GTF2I: variants seen among roughly 807,000 people sequenced by gnomAD.
GTF2I encodes the protein general transcription factor II-I.
A neutral mutation model predicts 67.6 loss-of-function variants in GTF2I; 12 were observed. The observed-to-expected ratio is 0.18, with a 90% CI of 0.11 to 0.29. GTF2I has a LOEUF of 0.29. Ranked by LOEUF, GTF2I falls within the 10% of genes least tolerant of loss-of-function variation. The pLI is 1.00. For synonymous variants in GTF2I, 149 were observed against 197.0 expected (o/e 0.76, Z 2.04); for missense variants, 271 against 580.1 (o/e 0.47, Z 5.47).
chr7:74,730,684 T>C (rs1240333145), intron 14 of GTF2I, among the ~76,000 whole-genome samples: 3 of 149,900 alleles, frequency 2.0e-5, no homozygotes, highest in Non-Finnish European at 3.0e-5. Context: ...CAGTATTTGC[T>C]GAGATCCCCC....
In GTF2I at chr7:74,712,483, C is replaced by T. The variant is rs1257102901; in HGVS notation, c.763+1374C>T. On this transcript the variant is annotated intron_variant, in intron 9 of 34. Transcript: ENST00000573035. ...GTGCTTTACTACGTAAATATTCTCC[C>T]GGGAGTGTGTGTGTGTGTGTGTGTG... is the stretch of plus-strand genomic sequence containing the variant. 3.9e-5 allele frequency among the ~76,000 whole-genome samples: 5 copies of T among 129,014 alleles called. No individual in the cohort carries two copies. In the East Asian group the frequency reaches 6.9e-4, roughly 18 times the overall value. The allele number at this position is 129,014 out of a possible 152,430, so 84.6% of individuals were successfully genotyped here.
At chr7:74,698,129 G>T (rs1296166836) in intron 3 of GTF2I, among the ~76,000 whole-genome samples, 1 of 152,112 alleles carries the variant, frequency 6.6e-6, no homozygotes, top group Non-Finnish European at 1.5e-5. Context: ...AGAATTTTTT[G>T]TATTTTTAGT....
intron 3 of GTF2I, among the ~76,000 whole-genome samples, chr7:74,697,870 G>A (rs1554398700): frequency 6.6e-6 from 1 of 152,070 alleles, no homozygotes. Flanking sequence ...CCGGGTTCAA[G>A]CAATTCTCCT....
chr7:74,706,516 A>T (rs1172801429), intron 8 of GTF2I, 83 bp downstream of exon 8: 1 of 1,059,254 alleles, frequency 9.4e-7, no homozygotes, highest in Non-Finnish European at 1.5e-6. Flanking sequence ...TGACTCAATT[A>T]TTGTTTTGTT....
intron 12 of GTF2I, among the ~76,000 whole-genome samples, chr7:74,720,184 T>A (rs1299864485): frequency 2.6e-5 from 4 of 152,240 alleles, no homozygotes; most frequent in Non-Finnish European, 5.9e-5. Flanking sequence ...ATGCACATTT[T>A]AAAATATTAC....
At chr7:74,658,727 G>C (rs1804181330) in intron 1 of GTF2I, among the ~76,000 whole-genome samples, 1 of 151,424 alleles carries the variant, frequency 6.6e-6, no homozygotes, top group Admixed American at 6.6e-5. Context: ...CTTTGTCCCG[G>C]GCCGGCCCGG....
At chr7:74,666,547 A>C (rs587619908) in intron 1 of GTF2I, among the ~76,000 whole-genome samples, 2 of 152,132 alleles carry the variant, frequency 1.3e-5, no homozygotes, top group South Asian at 4.1e-4. Context: ...CATTAAAAAA[A>C]ATTTTTTTTG....
chr7:74,732,174 C>T (rs1239537679), intron 14 of GTF2I, among the ~76,000 whole-genome samples: 2 of 147,318 alleles, frequency 1.4e-5, no homozygotes, highest in Admixed American at 6.8e-5. Context: ...AACACATATA[C>T]ATATATATAT....
intron 1 of GTF2I, among the ~76,000 whole-genome samples, chr7:74,683,163 C>T (rs1787407870): frequency 6.6e-6 from 1 of 151,802 alleles, no homozygotes; most frequent in Admixed American, 6.6e-5. Flanking sequence ...CCATGAATGA[C>T]AGACATATGT....
intron 14 of GTF2I, among the ~76,000 whole-genome samples, chr7:74,730,793 G>A (rs1317902530): frequency 1.5e-4 from 16 of 108,478 alleles, no homozygotes; most frequent in South Asian, 7.4e-4. Flanking sequence ...TGCAACCTCC[G>A]CCTCCCGGGT....
chr7:74,705,525 A>G (rs1465222164), intron 7 of GTF2I, among the ~76,000 whole-genome samples: 1 of 151,548 alleles, frequency 6.6e-6, no homozygotes, highest in East Asian at 1.9e-4. Flanking sequence ...ATAGATAGAA[A>G]TTAAAGTACT....
intron 1 of GTF2I, among the ~76,000 whole-genome samples, chr7:74,683,887 C>T (rs185869401): frequency 6.6e-6 from 1 of 152,196 alleles, no homozygotes; most frequent in East Asian, 1.9e-4. Flanking sequence ...AAAACTCGTA[C>T]CTAGTTGCAT....
intron 1 of GTF2I, among the ~76,000 whole-genome samples, chr7:74,665,342 C>G (rs1417824380): frequency 6.6e-6 from 1 of 151,982 alleles, no homozygotes; most frequent in African/African-American, 2.4e-5. Context: ...ACCCCTGCCT[C>G]TCGGGTTCGA....
In GTF2I at chr7:74,658,411, G is replaced by C. The variant is rs1238040445; in HGVS notation, c.-6+343G>C. 2.8e-5 allele frequency among the ~76,000 whole-genome samples: 4 copies of C among 145,418 alleles called. No individual in the cohort carries two copies. The East Asian group carries it at 8.2e-4, about 30-fold the overall frequency. On this transcript the variant is annotated intron_variant, in intron 1 of 34. Transcript: ENST00000573035. ...GGGCGCGCGCGCCGACCGGCGTGCG[G>C]TGGGGGGGCGCCTCGCGCGTGCGAT...
At chr7:74,668,016 T>C (rs1304878813) in intron 1 of GTF2I, among the ~76,000 whole-genome samples, 2 of 151,578 alleles carry the variant, frequency 1.3e-5, no homozygotes, top group Non-Finnish European at 2.9e-5. Flanking sequence ...GTATTTTTAG[T>C]AGAGATGGGG....
At chr7:74,722,572 C>G (rs939069065) in intron 12 of GTF2I, among the ~76,000 whole-genome samples, 4 of 152,150 alleles carry the variant, frequency 2.6e-5, no homozygotes, top group Admixed American at 6.6e-5. Context: ...CTGCTGTGGC[C>G]TAACTCTCTG....
chr7:74,683,515 T>G (rs1787435456), intron 1 of GTF2I, among the ~76,000 whole-genome samples: 1 of 152,190 alleles, frequency 6.6e-6, no homozygotes, highest in South Asian at 2.1e-4. Flanking sequence ...CGTGGTTACA[T>G]CTAAAGGAAA....
intron 1 of GTF2I, among the ~76,000 whole-genome samples, chr7:74,671,079 CTTTTTTTTTT>C (rs869137920): frequency 4.9e-5 from 3 of 61,782 alleles, no homozygotes; most frequent in African/African-American, 7.2e-5. Flanking sequence ...TGGGCAGATC[CTTTTTTTTTT>C]TTTTTTTTTT....
At chr7:74,684,576 T>A (rs1787530259) in intron 1 of GTF2I, 1 of 152,062 alleles carries the variant, frequency 6.6e-6, no homozygotes, top group South Asian at 2.1e-4. Context: ...CACGAATAGT[T>A]TCAACTAAGG....
Sources: allele counts gnomAD v4.1 joint callset (sites outside exome capture counted in the v4.1 genomes callset), GRCh38; gene constraint gnomAD v4.1.1; transcripts MANE v1.5; gene names NCBI Gene and HGNC (gene_info 2026-07-23, HGNC 2026-07-21).